Variants in GALNS observed in about 807,000 individuals in gnomAD.
The protein encoded by GALNS is N-acetylgalactosamine-6-sulfatase.
A neutral mutation model predicts 65.9 loss-of-function variants in GALNS; 65 were observed. That is an observed-to-expected ratio of 0.99 (90% confidence interval 0.81 to 1.21). The LOEUF (loss-of-function observed/expected upper bound fraction) is 1.21, where lower values mean the gene tolerates loss of function less well. Ranked by LOEUF, GALNS falls within the 50% of genes most tolerant of loss-of-function variation. The pLI is 0.00. For missense variants in GALNS, 776 were observed against 700.7 expected (o/e 1.11, Z -1.21); for synonymous variants, 346 against 288.9 (o/e 1.20, Z -2.00).
At chr16:88,817,647 C>T (rs1909767643) in intron 13 of GALNS, among the ~76,000 whole-genome samples, 1 of 152,198 alleles carries the variant, frequency 6.6e-6, no homozygotes, top group African/African-American at 2.4e-5. Flanking sequence ...GTGTGGGAGT[C>T]GAGGACCAGG....
chr16:88,852,199 G>T (rs7188484), intron 1 of GALNS, among the ~76,000 whole-genome samples: 49,969 of 152,116 alleles, frequency 0.33, 8,970 homozygotes, highest in East Asian at 0.6. Flanking sequence ...TTCTGCAATA[G>T]TTGCTGTTCT....
At chr16:88,820,256 G>A (rs1290524079) in intron 12 of GALNS, among the ~76,000 whole-genome samples, 1 of 152,110 alleles carries the variant, frequency 6.6e-6, no homozygotes, top group Non-Finnish European at 1.5e-5. Flanking sequence ...ACCTTCTCGA[G>A]TAGCTGGGAT....
intron 13 of GALNS, chr16:88,816,253 G>C (rs1909611789): frequency 2.0e-5 from 20 of 985,338 alleles, no homozygotes; most frequent in African/African-American, 1.2e-4. Context: ...CTCCATGGCA[G>C]GTGTGGCCTG....
intron 12 of GALNS, among the ~76,000 whole-genome samples, chr16:88,821,524 G>T (rs1910216853): frequency 6.6e-6 from 1 of 152,212 alleles, no homozygotes; most frequent in African/African-American, 2.4e-5. Flanking sequence ...TTCTGAGCTG[G>T]ACGCTCGGTG....
chr16:88,856,154 C>T (rs900544533), intron 1 of GALNS: 39 of 702,616 alleles, frequency 5.6e-5, no homozygotes, highest in Non-Finnish European at 9.4e-5. Flanking sequence ...CCGCACTTGC[C>T]CACCAGGAGA....
chr16:88,833,284 T>TC (rs1044561654), intron 8 of GALNS, among the ~76,000 whole-genome samples: 5 of 151,918 alleles, frequency 3.3e-5, no homozygotes, highest in African/African-American at 9.7e-5. Context: ...ACCCGGCCTG[T>TC]CTCAGGGAGG....
In GALNS at chr16:88,835,279, C is replaced by T. The variant is rs377591464; in HGVS notation, c.832G>A (p.Ala278Thr). The change falls in exon 8 of 14, where the codon GCG becomes ACG. Residue 278 changes from alanine to threonine, a missense_variant. By Grantham distance (58) the Ala-to-Thr change is moderately conservative. Coordinates refer to ENST00000268695, the MANE Select transcript of GALNS (RefSeq NM_000512.5). ...ILELLQDLHV[A>T]DNTFVFFTSD... ...GTGAAGAAGACGAAGGTGTTGTCCG[C>T]GACGTGCAGGTCTTGGAGGAGCTCC... 6.7e-5 allele frequency: 108 copies of T among 1,612,486 alleles called. No homozygotes were observed. The highest frequency in any genetic ancestry group is 3.1e-4 in the African/African-American group (23 of 75,020).
Position 88,813,901 on chromosome 16 carries a change from C to T in GALNS, c.*538G>A, listed in dbSNP as rs1909359916. ...CCCTCTGGGGCTCCCCTGAGACAAA[C>T]GCTTATATGATTGCCCCGTTCCCTT... On this transcript the variant is annotated 3_prime_UTR_variant, in exon 14 of 14. Transcript: ENST00000268695. The T allele has an allele frequency of 5.5e-6, 1 of 181,786 alleles. No homozygotes were observed. Among genetic ancestry groups the T allele is most frequent in the South Asian group, 1.1e-4 (1 of 9,160 alleles). 11.3% of individuals were successfully genotyped at this position (181,786 alleles called of 1,614,324 possible).
At chr16:88,849,703 T>G (rs1401418098) in intron 1 of GALNS, among the ~76,000 whole-genome samples, 5 of 152,074 alleles carry the variant, frequency 3.3e-5, no homozygotes, top group African/African-American at 4.8e-5. Context: ...AGATCCCAGG[T>G]GTGAGCCACC....
In GALNS at chr16:88,814,371, C is replaced by T; in HGVS notation, c.*68G>A. 1 of 1,544,988 alleles carries T rather than the reference C, an allele frequency of 6.5e-7. No individual in the cohort carries two copies. Among genetic ancestry groups the T allele is most frequent in the Non-Finnish European group, 8.7e-7 (1 of 1,143,494 alleles). The stretch of plus-strand genomic sequence containing the variant: ...GGTTGGGGGAGGACCGAGGCCAGAG[C>T]CATCCTTCCTCCAGGCACTTGCAGG... On this transcript the variant is annotated 3_prime_UTR_variant, in exon 14 of 14. Coordinates refer to ENST00000268695, the MANE Select transcript of GALNS (RefSeq NM_000512.5).
intron 2 of GALNS, 132 bp from the exon 3 acceptor site, chr16:88,842,103 C>G: frequency 2.5e-6 from 2 of 803,246 alleles, no homozygotes; most frequent in East Asian, 2.7e-5. Flanking sequence ...GGGGCTGCCA[C>G]GCCTGTCAAT....
In GALNS at chr16:88,835,202, C is replaced by A. The variant is rs1054672454; in HGVS notation, c.898+11G>T. On this transcript the variant is annotated intron_variant, in intron 8 of 13. Transcript: ENST00000268695. ...GTGGGGAAACCGTGAGAAGTGACAG[C>A]GAGCACTCACCTTGTTCGGGGGCGG... is the stretch of plus-strand genomic sequence containing the variant. 3 of 1,569,828 alleles carry A rather than the reference C, an allele frequency of 1.9e-6. No homozygotes were observed. The African/African-American group carries it at 4.0e-5, about 21-fold the overall frequency.
chr16:88,848,901 G>A (rs1003050896), intron 1 of GALNS, among the ~76,000 whole-genome samples: 5 of 152,232 alleles, frequency 3.3e-5, no homozygotes, highest in African/African-American at 9.6e-5. Context: ...CTTGGTCTTT[G>A]TCTGGATGCA....
At chr16:88,836,391 C>T (rs1354340896) in intron 5 of GALNS, 124 bp from the exon 6 acceptor site, 3 of 807,116 alleles carry the variant, frequency 3.7e-6, no homozygotes, top group Middle Eastern at 2.2e-4. Flanking sequence ...CGTCATGGCT[C>T]ATGCCTGTAA....
At chr16:88,842,079 G>T (rs572723394) in intron 2 of GALNS, 108 bp from the exon 3 acceptor site, 1 of 1,000,470 alleles carries the variant, frequency 1.0e-6, no homozygotes, top group Non-Finnish European at 1.6e-6. Context: ...GACGAGGCAC[G>T]CGCAGGTTTA....
chr16:88,835,213 C>T lies in GALNS; in HGVS notation c.898G>A (p.Gly300Ser). 6 of 1,580,460 alleles carry T rather than the reference C, an allele frequency of 3.8e-6. No individual in the cohort carries two copies. Among genetic ancestry groups the T allele is most frequent in the Non-Finnish European group, 4.3e-6 (5 of 1,161,778 alleles). ...GTGAGAAGTGACAGCGAGCACTCAC[C>T]TTGTTCGGGGGCGGAAATGAGGGCA... ...GAALISAPEQ[G>S]GSNGPFLCGK... is the part of the protein sequence containing the mutation. Residue 300 changes from glycine to serine, a missense_variant and splice_region_variant, in exon 8 of 14, where the codon GGT becomes AGT. Physicochemically the swap from Gly to Ser is moderately conservative, Grantham distance 56. Coordinates refer to ENST00000268695, the MANE Select transcript of GALNS (RefSeq NM_000512.5).
At chr16:88,856,166 AT>A (rs2143012571) in intron 1 of GALNS, 1 of 702,912 alleles carries the variant, frequency 1.4e-6, no homozygotes, top group African/African-American at 1.7e-5. Flanking sequence ...ACCAGGAGAC[AT>A]TCCAGCCTTT....
intron 10 of GALNS, 86 bp from the exon 11 acceptor site, chr16:88,824,955 T>A: frequency 9.6e-7 from 1 of 1,038,768 alleles, no homozygotes; most frequent in Non-Finnish European, 1.5e-6. Flanking sequence ...CTGTCATCAG[T>A]GGCTCATGCC....
chr16:88,848,171 CA>C (rs1967338047), intron 1 of GALNS, among the ~76,000 whole-genome samples: 2 of 152,274 alleles, frequency 1.3e-5, no homozygotes, highest in South Asian at 4.1e-4. Flanking sequence ...GCGGGTCGGC[CA>C]GGGGCTTCGG....
Sources: allele counts gnomAD v4.1 joint callset (sites outside exome capture counted in the v4.1 genomes callset), GRCh38; gene constraint gnomAD v4.1.1; transcripts MANE v1.5; gene names NCBI Gene and HGNC (gene_info 2026-07-23, HGNC 2026-07-21).